HMCN2: variants seen among roughly 807,000 people sequenced by gnomAD.
HMCN2 encodes the protein hemicentin 2, also known as hemicentin-2.
HMCN2 carries 325 observed loss-of-function variants against 377.5 expected under a neutral mutation model. The ratio of observed to expected loss-of-function variants is 0.86; its 90% CI spans 0.79 to 0.94. HMCN2 has a LOEUF of 0.94. Ranked by LOEUF, HMCN2 falls within the 40% of genes least tolerant of loss-of-function variation. The pLI is 0.00. For synonymous variants in HMCN2, 2,007 were observed against 2,046.8 expected, an observed-to-expected ratio of 0.98 and a Z score of 0.53; for missense variants, 4,543 against 4,725.3, an observed-to-expected ratio of 0.96 and a Z score of 1.13.
intron 15 of HMCN2, 124 bp downstream of exon 15, chr9:130,310,185 C>A (rs1410929813): frequency 7.1e-6 from 2 of 280,806 alleles, no homozygotes; most frequent in Non-Finnish European, 1.5e-5. Flanking sequence ...TCATGTGGAT[C>A]CTGAGCATGT....
At position 130,405,158 on chromosome 9, in the gene HMCN2, C is replaced by G. The variant is rs7031750; in HGVS notation, c.12339+99C>G. ...ACTATGCAGCCTTTAACCCTGGGAG[C>G]CTGGGGAAATCAGTGTCACCATCCC... On this transcript the variant is annotated intron_variant, in intron 81 of 97. Coordinates refer to ENST00000683500, the MANE Select transcript of HMCN2 (RefSeq NM_001291815.2). 4.5e-3 allele frequency: 3,680 copies of G among 824,192 alleles called. 128 individuals are homozygous for G. In the African/African-American group the frequency reaches 0.062, roughly 14 times the overall value. The allele number at this position is 824,192 out of a possible 1,614,324, so 51.1% of individuals were successfully genotyped here. A position where few individuals can be genotyped will look rare whatever the true frequency, so the allele number is the denominator to read the frequency against.
intron 19 of HMCN2, among the ~76,000 whole-genome samples, chr9:130,325,113 TAGACA>T (rs1838065720): frequency 7.4e-6 from 1 of 134,386 alleles, no homozygotes; most frequent in African/African-American, 2.8e-5. Context: ...TTTTTTTTTG[TAGACA>T]AGAGTCTCAC....
rs895019282 is a variant in HMCN2 at position 130,393,156 on chromosome 9, C to T, written c.10137-56C>T. The T allele has an allele frequency of 3.2e-5, 27 of 845,042 alleles. No homozygotes were observed. The highest frequency in any genetic ancestry group is 3.9e-5 in the Non-Finnish European group (27 of 699,772). 52.3% of individuals were successfully genotyped at this position (845,042 alleles called of 1,614,324 possible). A position where few individuals can be genotyped will look rare whatever the true frequency, so the allele number is the denominator to read the frequency against. On this transcript the variant is annotated intron_variant, in intron 66 of 97. Coordinates refer to ENST00000683500, the MANE Select transcript of HMCN2 (RefSeq NM_001291815.2). This position sits in a 1 kb window ranked among gnomAD's most constrained non-coding sequence, Gnocchi z 5.2. ...CTCCTGTCTCTCTCCCTTTCTCTTC[C>T]TCTCTCTCTCTCCCTTTCTCTTGTC...
rs188391278 is a variant in HMCN2 at position 130,432,906 on chromosome 9, G to A, written c.14894+351G>A. The A allele has an allele frequency of 2.1e-3, 759 of 366,716 alleles. 11 individuals carry two copies. In the Admixed American group the frequency reaches 0.028, roughly 14 times the overall value. 22.7% of individuals were successfully genotyped at this position (366,716 alleles called of 1,614,324 possible). ...GGGGTGGCAGCTGCTGCCCTGGAAA[G>A]GTTTCTCCCGGCGGGTGACCTGCCC... is the stretch of plus-strand genomic sequence containing the variant. On this transcript the variant is annotated intron_variant, in intron 97 of 97. Transcript: ENST00000683500.
At chr9:130,289,590 G>T (rs1344859990) in intron 4 of HMCN2, among the ~76,000 whole-genome samples, 1 of 152,124 alleles carries the variant, frequency 6.6e-6, no homozygotes, top group Non-Finnish European at 1.5e-5. Context: ...GTTAACGAGA[G>T]CCCCTACCTG....
At chr9:130,359,174 C>A in intron 36 of HMCN2, 145 bp from the exon 37 acceptor site, 1 of 307,412 alleles carries the variant, frequency 3.3e-6, no homozygotes, top group South Asian at 2.9e-5. Flanking sequence ...AGTGAGGTTG[C>A]TTAGTCTGAG....
At position 130,350,093 on chromosome 9, in the gene HMCN2, A is replaced by G. The variant is rs375378725; in HGVS notation, c.4430+430A>G. 6.6e-5 allele frequency among the ~76,000 whole-genome samples: 10 copies of G among 151,416 alleles called. No homozygotes were observed. The South Asian group carries it at 1.0e-3, about 16-fold the overall frequency. ...GGCTAATTTTTTAAAAAATGTTTGT[A>G]CAGATGGGGTCCTGCTTTGTTGCCC... is the stretch of plus-strand genomic sequence containing the variant. On this transcript the variant is annotated intron_variant, in intron 29 of 97. Transcript: ENST00000683500.
intron 19 of HMCN2, among the ~76,000 whole-genome samples, chr9:130,323,858 A>G (rs1167282728): frequency 6.6e-6 from 1 of 151,950 alleles, no homozygotes; most frequent in Non-Finnish European, 1.5e-5. Context: ...ATGTGCCACC[A>G]TGCCCGGCTA....
In HMCN2 at chr9:130,425,885, G is replaced by A. The variant is rs779508163; in HGVS notation, c.13840G>A (p.Glu4614Lys). The A allele has an allele frequency of 1.1e-5, 17 of 1,549,708 alleles. No individual in the cohort carries two copies. Among genetic ancestry groups the A allele is most frequent in the Admixed American group, 5.9e-5 (3 of 50,978 alleles). ...AISSAFDPEAEALRFQLATAL... is the reference protein window; with the variant it reads ...AISSAFDPEAKALRFQLATAL... Reference sequence around the variant, plus strand: ...CAGCTCGGCCTTTGATCCAGAGGCCGAGGCCCTGCGCTTCCAGCTCGCTAC... The same window carrying A: ...CAGCTCGGCCTTTGATCCAGAGGCCAAGGCCCTGCGCTTCCAGCTCGCTAC... Residue 4614 changes from glutamate (E) to lysine (K), a missense_variant, in exon 90 of 98, where the codon GAG becomes AAG. Coordinates refer to ENST00000683500, the MANE Select transcript of HMCN2 (RefSeq NM_001291815.2).
Position 130,391,229 on chromosome 9 carries a change from C to T in HMCN2, c.9693C>T (p.Gly3231=), listed in dbSNP as rs75642515. The T allele has an allele frequency of 0.07, 69,623 of 987,774 alleles. 3,026 individuals are homozygous for T. Among genetic ancestry groups the T allele is most frequent in the African/African-American group, 0.19 (10,859 of 57,390 alleles). 61.2% of individuals were successfully genotyped at this position (987,774 alleles called of 1,614,324 possible). ...VLVAPRIRSS[G]VAREHHVLEG... Reference sequence around the variant, plus strand: ...TGGCCCCCCGGATCCGGAGCTCGGGCGTGGCGCGGGAGCACCATGTCTTGG... The same window carrying T: ...TGGCCCCCCGGATCCGGAGCTCGGGTGTGGCGCGGGAGCACCATGTCTTGG... Residue 3231 remains glycine, a synonymous_variant, in exon 64 of 98, where the codon GGC becomes GGT. Coordinates refer to ENST00000683500, the MANE Select transcript of HMCN2 (RefSeq NM_001291815.2).
In HMCN2 at chr9:130,394,454, T is replaced by C. The variant is rs1030620534; in HGVS notation, c.10571T>C (p.Leu3524Pro). The C allele has an allele frequency of 1.6e-6, 2 of 1,289,740 alleles. No individual in the cohort carries two copies. Among genetic ancestry groups the C allele is most frequent in the South Asian group, 2.5e-5 (2 of 81,020 alleles). 79.9% of individuals were successfully genotyped at this position (1,289,740 alleles called of 1,614,324 possible). A position where few individuals can be genotyped will look rare whatever the true frequency, so the allele number is the denominator to read the frequency against. ...LSLTPGAPME[L>P]LCDAQGTPQP... is the part of the protein sequence containing the mutation. Reference sequence around the variant, plus strand: ...CTGACCCCCGGCGCCCCCATGGAGCTCCTCTGTGATGCCCAGGGCACCCCC... The same window carrying C: ...CTGACCCCCGGCGCCCCCATGGAGCCCCTCTGTGATGCCCAGGGCACCCCC... The change falls in exon 69 of 98, where the codon CTC becomes CCC. Residue 3524 changes from leucine to proline, a missense_variant. Physicochemically the swap from Leu to Pro is moderately conservative, Grantham distance 98 (BLOSUM62 -3). This residue lies in a region of HMCN2 where 1,073 missense variants were observed against 1,319.5 expected (regional missense o/e 0.81). Coordinates refer to ENST00000683500, the MANE Select transcript of HMCN2 (RefSeq NM_001291815.2). This position sits in a 1 kb window ranked among gnomAD's most constrained non-coding sequence, Gnocchi z 5.1.
chr9:130,353,631 C>T (rs1342437231), intron 31 of HMCN2, among the ~76,000 whole-genome samples: 2 of 152,214 alleles, frequency 1.3e-5, no homozygotes, highest in Non-Finnish European at 2.9e-5. Context: ...CTCATGTCCC[C>T]AGTTACAGAT....
intron 14 of HMCN2, among the ~76,000 whole-genome samples, chr9:130,309,642 G>A (rs377166771): frequency 1.3e-5 from 2 of 152,134 alleles, no homozygotes; most frequent in African/African-American, 2.4e-5. Context: ...ACACCAGCGG[G>A]GGGGGTCCAA....
At chr9:130,274,731 T>G (rs1834589848) in intron 1 of HMCN2, among the ~76,000 whole-genome samples, 1 of 152,166 alleles carries the variant, frequency 6.6e-6, no homozygotes, top group Non-Finnish European at 1.5e-5. Context: ...CGTTAAAAAA[T>G]TATAGTACGT....
At chr9:130,363,268 C>T (rs538544187) in intron 40 of HMCN2, among the ~76,000 whole-genome samples, 8 of 152,282 alleles carry the variant, frequency 5.3e-5, no homozygotes, top group South Asian at 2.1e-4. Context: ...GCAGGAACAG[C>T]GTGGAGTGGT....
intron 22 of HMCN2, among the ~76,000 whole-genome samples, chr9:130,327,730 A>C (rs1838217817): frequency 6.6e-6 from 1 of 152,206 alleles, no homozygotes; most frequent in Admixed American, 6.5e-5. Context: ...GCAGGATCCC[A>C]TTTAATCTGC....
intron 25 of HMCN2, among the ~76,000 whole-genome samples, chr9:130,343,827 G>A (rs1162372870): frequency 6.6e-6 from 1 of 152,246 alleles, no homozygotes; most frequent in Non-Finnish European, 1.5e-5. Flanking sequence ...CTGTGGCCTT[G>A]GGCTCGGAGC....
intron 1 of HMCN2, among the ~76,000 whole-genome samples, chr9:130,281,362 G>A (rs187556739): frequency 3.6e-4 from 55 of 152,192 alleles, no homozygotes; most frequent in African/African-American, 7.2e-4. Context: ...TTGGGAGGCC[G>A]AGGCAAGTGT....
intron 63 of HMCN2, 29 bp from the exon 64 acceptor site, chr9:130,391,175 C>T (rs1842301917): frequency 1.0e-6 from 1 of 988,032 alleles, no homozygotes. Context: ...CCTGCCATCA[C>T]CCAGGGCCTC....
Sources: allele counts gnomAD v4.1 joint callset (sites outside exome capture counted in the v4.1 genomes callset), GRCh38; gene constraint gnomAD v4.1.1; regional missense constraint gnomAD v4.1.1; non-coding constraint Gnocchi (gnomAD v3.1); transcripts MANE v1.5; gene names NCBI Gene and HGNC (gene_info 2026-07-23, HGNC 2026-07-21).